LIMCH1: variants seen among roughly 807,000 people sequenced by gnomAD.
LIMCH1 encodes the protein LIM and calponin homology domains-containing protein 1.
In LIMCH1, 113 loss-of-function variants were observed where a neutral mutation model predicts 176.5. The ratio of observed to expected loss-of-function variants is 0.64; its 90% CI spans 0.55 to 0.75. The LOEUF (loss-of-function observed/expected upper bound fraction) is 0.75, where lower values mean the gene tolerates loss of function less well. LIMCH1 is among the 30% of genes least tolerant of loss of function. The pLI is 0.00. For synonymous variants in LIMCH1, 619 were observed against 645.9 expected (o/e 0.96, Z 0.63); for missense variants, 1,674 against 1,814.9 (o/e 0.92, Z 1.41).
At chr4:41,640,637 C>T (rs1451718066) in intron 14 of LIMCH1, among the ~76,000 whole-genome samples, 1 of 152,114 alleles carries the variant, frequency 6.6e-6, no homozygotes, top group Non-Finnish European at 1.5e-5. Flanking sequence ...TTACATGAAA[C>T]CATGTGGGGA....
At chr4:41,456,464 T>C (rs562613087) in intron 1 of LIMCH1, among the ~76,000 whole-genome samples, 1 of 152,304 alleles carries the variant, frequency 6.6e-6, no homozygotes, top group South Asian at 2.1e-4. Flanking sequence ...ATTGCTTTTT[T>C]ATCAGACTCA....
chr4:41,375,445 T>C (rs2054593050), intron 1 of LIMCH1, among the ~76,000 whole-genome samples: 1 of 152,210 alleles, frequency 6.6e-6, no homozygotes, highest in Admixed American at 6.5e-5. Flanking sequence ...CCTGGGTACT[T>C]CAACTCTCCT....
intron 2 of LIMCH1, among the ~76,000 whole-genome samples, chr4:41,519,270 C>A (rs1473244114): frequency 6.6e-6 from 1 of 152,126 alleles, no homozygotes; most frequent in African/African-American, 2.4e-5. Flanking sequence ...GTCTTCCGTG[C>A]CTTTCTTCAT....
At chr4:41,545,532 T>C (rs991829210) in intron 1 of LIMCH1, among the ~76,000 whole-genome samples, 1 of 152,238 alleles carries the variant, frequency 6.6e-6, no homozygotes, top group African/African-American at 2.4e-5. Context: ...GCAGTTACCC[T>C]ATTATCTGGC....
At chr4:41,466,318 C>T (rs1260249714) in intron 1 of LIMCH1, among the ~76,000 whole-genome samples, 4 of 152,178 alleles carry the variant, frequency 2.6e-5, no homozygotes, top group Admixed American at 1.3e-4. Flanking sequence ...TTCTCCACCC[C>T]GAGGACACAT....
intron 1 of LIMCH1, among the ~76,000 whole-genome samples, chr4:41,445,556 T>C (rs917160687): frequency 6.6e-6 from 1 of 152,350 alleles, no homozygotes; most frequent in Admixed American, 6.5e-5. Context: ...ACTGCTAATA[T>C]TTTCAAGAAA....
chr4:41,531,824 G>T (rs1257302173), intron 3 of LIMCH1, among the ~76,000 whole-genome samples: 104 of 152,142 alleles, frequency 6.8e-4, no homozygotes, highest in Admixed American at 6.8e-3. Flanking sequence ...GTTCTCTGTA[G>T]TAGTTGCATG....
intron 1 of LIMCH1, among the ~76,000 whole-genome samples, chr4:41,561,572 G>T (rs1393359670): frequency 6.6e-6 from 1 of 152,118 alleles, no homozygotes; most frequent in South Asian, 2.1e-4. Context: ...TTTTCAAGGG[G>T]GAAGTTTGTG....
rs569377124 is a variant in LIMCH1, at chr4:41,640,904, G to A, written c.2126+1937G>A. ...AAATTTCCACCTCCTAACCAGCCAAGAATGTTTCCATAGATTTAATTTCAC... is the reference window on the plus strand; with the variant it reads ...AAATTTCCACCTCCTAACCAGCCAAAAATGTTTCCATAGATTTAATTTCAC... On this transcript the variant is annotated intron_variant, in intron 14 of 31. Coordinates refer to ENST00000503057, the MANE Select transcript of LIMCH1 (RefSeq NM_001330672.2). 1.2e-4 allele frequency among the ~76,000 whole-genome samples: 18 copies of A among 152,232 alleles called. 1 individual carries two copies. In the South Asian group the frequency reaches 3.7e-3, roughly 32 times the overall value.
chr4:41,425,689 T>C (rs983124125), intron 1 of LIMCH1, among the ~76,000 whole-genome samples: 4 of 152,208 alleles, frequency 2.6e-5, no homozygotes, highest in Non-Finnish European at 5.9e-5. Flanking sequence ...TCTTTTCTTT[T>C]GCCTGCTGCC....
At chr4:41,504,710 C>T (rs2073917899) in intron 2 of LIMCH1, among the ~76,000 whole-genome samples, 1 of 152,202 alleles carries the variant, frequency 6.6e-6, no homozygotes, top group Admixed American at 6.5e-5. Flanking sequence ...CTCCCTTATT[C>T]TCTGGTTTGC....
intron 2 of LIMCH1, among the ~76,000 whole-genome samples, chr4:41,495,920 C>G (rs1351846651): frequency 6.6e-6 from 1 of 152,176 alleles, no homozygotes; most frequent in Non-Finnish European, 1.5e-5. Flanking sequence ...CGAAGTCTCT[C>G]CACCCTACTC....
intron 1 of LIMCH1, among the ~76,000 whole-genome samples, chr4:41,578,662 A>G (rs990358495): frequency 1.3e-5 from 2 of 151,702 alleles, no homozygotes; most frequent in South Asian, 4.2e-4. Flanking sequence ...TTCCCCCCAC[A>G]CATTTATTGA....
chr4:41,420,162 C>T (rs1156841173), intron 1 of LIMCH1, among the ~76,000 whole-genome samples: 1 of 152,086 alleles, frequency 6.6e-6, no homozygotes, highest in East Asian at 1.9e-4. Flanking sequence ...TCAGCCAGAC[C>T]TGAGGGCTTC....
chr4:41,433,064 G>C (rs1376621048), intron 1 of LIMCH1, among the ~76,000 whole-genome samples: 1 of 152,210 alleles, frequency 6.6e-6, no homozygotes, highest in Non-Finnish European at 1.5e-5. Flanking sequence ...CAGTGACTTT[G>C]CATATCACAT....
intron 1 of LIMCH1, among the ~76,000 whole-genome samples, chr4:41,434,860 G>A (rs28416865): frequency 0.016 from 2,504 of 152,248 alleles, 62 homozygotes; most frequent in African/African-American, 0.057. Flanking sequence ...GACTGAGCAT[G>A]GTGTCTAAAA....
At chr4:41,498,310 C>G (rs1583157188) in intron 2 of LIMCH1, among the ~76,000 whole-genome samples, 1 of 152,136 alleles carries the variant, frequency 6.6e-6, no homozygotes, top group Non-Finnish European at 1.5e-5. Context: ...CAAAATCACC[C>G]TGGGACATCT....
At chr4:41,688,029 C>A in intron 29 of LIMCH1, 112 bp downstream of exon 29, 2 of 796,340 alleles carry the variant, frequency 2.5e-6, no homozygotes, top group South Asian at 1.5e-5. Flanking sequence ...ATGTGTCCAT[C>A]CACATCTCTT....
intron 31 of LIMCH1, 88 bp downstream of exon 31, chr4:41,692,472 C>A: frequency 1.2e-6 from 1 of 820,830 alleles, no homozygotes; most frequent in East Asian, 2.6e-5. Context: ...ATATTTTTCC[C>A]CAGCCGTTGA....
Sources: allele counts gnomAD v4.1 joint callset (sites outside exome capture counted in the v4.1 genomes callset), GRCh38; gene constraint gnomAD v4.1.1; transcripts MANE v1.5; gene names NCBI Gene and HGNC (gene_info 2026-07-23, HGNC 2026-07-21).